PDE11A: variants seen among roughly 807,000 people sequenced by gnomAD.
The protein encoded by PDE11A is phosphodiesterase 11A.
Under a neutral mutation model 100.5 loss-of-function variants are expected in PDE11A, and 100 were observed. The ratio of observed to expected loss-of-function variants is 1.00; its 90% CI spans 0.85 to 1.18. PDE11A has a LOEUF of 1.18. Among genes scored for constraint, PDE11A ranks in the 50% most tolerant of loss-of-function variants. The pLI is 0.00. For synonymous variants in PDE11A, 381 were observed against 420.8 expected (o/e 0.91, Z 1.16); for missense variants, 1,141 against 1,152.6 (o/e 0.99, Z 0.15).
chr2:177,629,613 A>G, intron 19 of PDE11A, 51 bp from the exon 20 acceptor site: 1 of 1,585,096 alleles, frequency 6.3e-7, no homozygotes, highest in Non-Finnish European at 8.7e-7. Context: ...AAACAGAGTA[A>G]CTGACATGAT....
chr2:178,090,431 TTTTTAATGGAAATCTACTTAATA>T (rs1158560505), intron 2 of PDE11A, among the ~76,000 whole-genome samples: 4 of 152,220 alleles, frequency 2.6e-5, no homozygotes, highest in Non-Finnish European at 5.9e-5. Context: ...AACTACAATT[TTTTTAATGGAAATCTACTTAATA>T]TTTCTCCATT....
intron 19 of PDE11A, among the ~76,000 whole-genome samples, chr2:177,649,696 T>C (rs774820778): frequency 2.0e-5 from 3 of 152,308 alleles, no homozygotes; most frequent in South Asian, 2.1e-4. Context: ...ATATAAACTA[T>C]CTTTAGAAGC....
intron 2 of PDE11A, among the ~76,000 whole-genome samples, chr2:178,089,387 G>A (rs531127270): frequency 1.3e-5 from 2 of 152,318 alleles, no homozygotes; most frequent in African/African-American, 4.8e-5. Context: ...ACAAGGTCAA[G>A]TGGAGCTTAT....
At chr2:177,728,838 G>A (rs746434856) in intron 10 of PDE11A, among the ~76,000 whole-genome samples, 5 of 151,956 alleles carry the variant, frequency 3.3e-5, no homozygotes, top group East Asian at 3.9e-4. Context: ...TACAATACTG[G>A]TCATACATAT....
intron 5 of PDE11A, among the ~76,000 whole-genome samples, chr2:177,843,618 T>A (rs1440399341): frequency 6.6e-6 from 1 of 152,198 alleles, no homozygotes; most frequent in East Asian, 1.9e-4. Context: ...GTATGCATAC[T>A]GAATTGAAAT....
chr2:177,694,646 A>T (rs995140721), intron 15 of PDE11A, among the ~76,000 whole-genome samples: 1 of 152,220 alleles, frequency 6.6e-6, no homozygotes, highest in Non-Finnish European at 1.5e-5. Flanking sequence ...TGGGATTTTA[A>T]TTTTTAAGTA....
At chr2:177,875,971 C>A (rs761348680) in intron 4 of PDE11A, 48 bp from the exon 5 acceptor site, 5 of 1,045,422 alleles carry the variant, frequency 4.8e-6, no homozygotes, top group African/African-American at 1.6e-5. Context: ...AGCTTTATTG[C>A]CGTTTAAAAT....
intron 9 of PDE11A, among the ~76,000 whole-genome samples, chr2:177,809,531 T>G (rs557431898): frequency 6.6e-5 from 10 of 152,178 alleles, no homozygotes; most frequent in Non-Finnish European, 1.3e-4. Context: ...AAAATGTTGG[T>G]GTCTGACACA....
chr2:178,030,967 A>T (rs1254748983), intron 1 of PDE11A, among the ~76,000 whole-genome samples: 1 of 135,914 alleles, frequency 7.4e-6, no homozygotes. Context: ...GACAATACAT[A>T]AAAAAAGATC....
chr2:177,767,951 T>A (rs2082261485), intron 10 of PDE11A, among the ~76,000 whole-genome samples: 1 of 152,048 alleles, frequency 6.6e-6, no homozygotes, highest in Non-Finnish European at 1.5e-5. Context: ...ACTGCTGTGG[T>A]TTTAGTTGTT....
intron 4 of PDE11A, among the ~76,000 whole-genome samples, chr2:177,897,603 G>C (rs1357226053): frequency 6.6e-6 from 1 of 152,104 alleles, no homozygotes; most frequent in Non-Finnish European, 1.5e-5. Context: ...AAGAGCTAAG[G>C]GTACTGAATC....
At chr2:177,947,018 G>A in intron 2 of PDE11A, among the ~76,000 whole-genome samples, 1 of 130,918 alleles carries the variant, frequency 7.6e-6, no homozygotes, top group African/African-American at 2.8e-5. Context: ...AGGTGGGGGG[G>A]GTCAGCCCCC....
chr2:177,882,729 C>T (rs2084363938), intron 4 of PDE11A, among the ~76,000 whole-genome samples: 2 of 152,100 alleles, frequency 1.3e-5, no homozygotes, highest in South Asian at 4.1e-4. Context: ...AAAACATCTC[C>T]CTGCTTGTTC....
intron 2 of PDE11A, among the ~76,000 whole-genome samples, chr2:177,936,381 CA>C (rs926687446): frequency 6.6e-6 from 1 of 150,962 alleles, no homozygotes; most frequent in Non-Finnish European, 1.5e-5. Context: ...CATTCAGGTT[CA>C]AAAAAAAAGC....
At chr2:177,918,863 G>A (rs2084993481) in intron 2 of PDE11A, among the ~76,000 whole-genome samples, 1 of 152,094 alleles carries the variant, frequency 6.6e-6, no homozygotes, top group Non-Finnish European at 1.5e-5. Context: ...CAGAAAAGGG[G>A]CTAGTCCAAA....
chr2:177,779,496 T>C (rs976644242), intron 9 of PDE11A, among the ~76,000 whole-genome samples: 19 of 152,268 alleles, frequency 1.2e-4, no homozygotes, highest in African/African-American at 4.6e-4. Flanking sequence ...CACTGTTTTG[T>C]CAACTAAATT....
chr2:177,986,035 T>C (rs1574324200), intron 2 of PDE11A, among the ~76,000 whole-genome samples: 1 of 152,192 alleles, frequency 6.6e-6, no homozygotes, highest in Admixed American at 6.5e-5. Flanking sequence ...ACTTTCTGAG[T>C]CCTTTTTTGT....
chr2:177,920,121 GGGAAATAT>G (rs1456438113), intron 2 of PDE11A, among the ~76,000 whole-genome samples: 5 of 151,942 alleles, frequency 3.3e-5, no homozygotes, highest in Non-Finnish European at 5.9e-5. Flanking sequence ...AAAGCCATAG[GGGAAATAT>G]GGTAAACATT....
At chr2:177,999,521 T>C (rs1574333084) in intron 2 of PDE11A, among the ~76,000 whole-genome samples, 1 of 152,174 alleles carries the variant, frequency 6.6e-6, no homozygotes, top group South Asian at 2.1e-4. Flanking sequence ...TATGGATAGG[T>C]TTTTTGTAAA....
Sources: allele counts gnomAD v4.1 joint callset (sites outside exome capture counted in the v4.1 genomes callset), GRCh38; gene constraint gnomAD v4.1.1; transcripts MANE v1.5; gene names NCBI Gene and HGNC (gene_info 2026-07-23, HGNC 2026-07-21).